Variants in WDR26 observed in about 807,000 individuals in gnomAD.
WDR26 encodes WD repeat-containing protein 26.
A neutral mutation model predicts 84.1 loss-of-function variants in WDR26; 5 were observed. The ratio of observed to expected loss-of-function variants is 0.06; its 90% CI spans 0.03 to 0.13. The LOEUF is 0.13. WDR26 is among the 10% of genes least tolerant of loss of function. The pLI, the probability that WDR26 is intolerant of heterozygous loss-of-function variation, is 1.00. For missense variants in WDR26, 642 were observed against 974.9 expected, an observed-to-expected ratio of 0.66 and a Z score of 4.55; for synonymous variants, 415 against 389.6, an observed-to-expected ratio of 1.07 and a Z score of -0.77.
intron 3 of WDR26, among the ~76,000 whole-genome samples, chr1:224,428,049 T>C (rs575673868): frequency 1.3e-5 from 2 of 152,344 alleles, no homozygotes; most frequent in East Asian, 1.9e-4. Flanking sequence ...TGGTCTCTAA[T>C]GATTTTTTAC....
chr1:224,392,221 CG>C (rs1455442883), intron 13 of WDR26, among the ~76,000 whole-genome samples: 4 of 151,762 alleles, frequency 2.6e-5, no homozygotes, highest in Non-Finnish European at 4.4e-5. Flanking sequence ...ATTAGCTGGG[CG>C]TGGTGGTGGG....
chr1:224,407,439 T>G (rs987768336), intron 7 of WDR26, among the ~76,000 whole-genome samples: 1 of 148,804 alleles, frequency 6.7e-6, no homozygotes, highest in Non-Finnish European at 1.5e-5. Context: ...CTCTCTTAAA[T>G]GTACTTTTTT....
Position 224,433,772 on chromosome 1 carries a change from T to C in WDR26, c.634A>G (p.Ser212Gly), listed in dbSNP as rs1471878000. ...AGCCGCTTCTTCTTCTTGAGGCTGCTGCCCAGTTCTGGGGTGGCCAAGGAA... is the reference window on the plus strand; with the variant it reads ...AGCCGCTTCTTCTTCTTGAGGCTGCCGCCCAGTTCTGGGGTGGCCAAGGAA... The change falls in exon 1 of 14, where the codon AGC (serine) becomes GGC (glycine). Residue 212 changes from serine (S) to glycine (G), a missense_variant. By Grantham distance (56) the Ser-to-Gly change is moderately conservative. Coordinates refer to ENST00000414423, the MANE Select transcript of WDR26 (RefSeq NM_001379403.1). 1 of 1,536,788 alleles carries C rather than the reference T, an allele frequency of 6.5e-7. No individual in the cohort carries two copies. Among genetic ancestry groups the C allele is most frequent in the Non-Finnish European group, 8.7e-7 (1 of 1,146,676 alleles).
At chr1:224,418,515 A>G (rs1405430740) in intron 5 of WDR26, 99 bp from the exon 6 acceptor site, 15 of 1,143,686 alleles carry the variant, frequency 1.3e-5, no homozygotes, top group East Asian at 5.3e-5. Flanking sequence ...TCCTACCCCA[A>G]TAGTATCTAT....
chr1:224,420,558 CA>C (rs1222187854), intron 4 of WDR26, among the ~76,000 whole-genome samples: 1 of 152,198 alleles, frequency 6.6e-6, no homozygotes, highest in Non-Finnish European at 1.5e-5. Flanking sequence ...TCTCAGTTAA[CA>C]TGAGTATCAT....
chr1:224,422,870 C>A (rs768452136), intron 4 of WDR26, among the ~76,000 whole-genome samples: 13 of 152,116 alleles, frequency 8.5e-5, no homozygotes, highest in Non-Finnish European at 1.8e-4. Flanking sequence ...TTAGGCCATA[C>A]ATGTCAAAGT....
intron 7 of WDR26, among the ~76,000 whole-genome samples, chr1:224,407,718 C>T (rs1236925426): frequency 6.6e-6 from 1 of 151,924 alleles, no homozygotes; most frequent in Admixed American, 6.6e-5. Context: ...CCATGTTGGC[C>T]AGGTTGGCTT....
At position 224,404,508 on chromosome 1, in the gene WDR26, A is replaced by G. The variant is rs779892666; in HGVS notation, c.1521T>C (p.Ile507=). Residue 507 remains isoleucine, a synonymous_variant, in exon 8 of 14, where the codon ATT becomes ATC. Coordinates refer to ENST00000414423, the MANE Select transcript of WDR26 (RefSeq NM_001379403.1). ...GATAGTTGTCATCTGGACTCCATGC[A>G]ATATAAGAAACGCCATAAGCATGTC... is the stretch of plus-strand genomic sequence containing the variant. 3 of 1,614,116 alleles carry G rather than the reference A, an allele frequency of 1.9e-6. No individual in the cohort carries two copies. The highest frequency in any genetic ancestry group is 2.5e-6 in the Non-Finnish European group (3 of 1,179,980).
intron 7 of WDR26, among the ~76,000 whole-genome samples, chr1:224,407,151 A>AATT (rs1673598962): frequency 1.7e-4 from 2 of 11,868 alleles, no homozygotes; most frequent in Non-Finnish European, 2.8e-4. Context: ...AAAAAAAAAA[A>AATT]ATATATATAT....
intron 13 of WDR26, 39 bp downstream of exon 13, chr1:224,393,789 A>G: frequency 7.0e-7 from 1 of 1,432,462 alleles, no homozygotes; most frequent in East Asian, 2.3e-5. Flanking sequence ...GTGATGTTTC[A>G]TTTGGACAAA....
At chr1:224,391,363 CAAA>C (rs869213487) in intron 13 of WDR26, among the ~76,000 whole-genome samples, 5 of 89,140 alleles carry the variant, frequency 5.6e-5, no homozygotes, top group Admixed American at 1.2e-4. Context: ...AACTCTGTCT[CAAA>C]AAAAAAAAAA....
intron 13 of WDR26, among the ~76,000 whole-genome samples, chr1:224,391,528 CTTTT>C (rs1341179042): frequency 2.6e-5 from 4 of 150,988 alleles, no homozygotes; most frequent in East Asian, 1.9e-4. Context: ...TACATTTTTC[CTTTT>C]TTGTTTCCTT....
Position 224,424,551 on chromosome 1 carries a change from T to G in WDR26, c.1031A>C (p.Lys344Thr). The G allele has an allele frequency of 2.5e-6, 4 of 1,614,062 alleles. No homozygotes were observed. The highest frequency in any genetic ancestry group is 3.4e-6 in the Non-Finnish European group (4 of 1,179,928). The change falls in exon 4 of 14, where the codon AAA becomes ACA. Residue 344 changes from lysine (K) to threonine (T), a missense_variant. Around this residue, in one of 2 missense-constraint regions of WDR26, gnomAD observed 351 missense variants for 672.8 expected, o/e 0.52. Transcript: ENST00000414423. ...AACATGAATGCGCTCTGTATTGTAT[T>G]TCAGCGGCGTCAATTCACAGCGTAG...
rs114468782 is a variant in WDR26 at position 224,409,408 on chromosome 1, C to G, written c.1458+2019G>C. 7.2e-3 allele frequency among the ~76,000 whole-genome samples: 1,100 copies of G among 152,206 alleles called. 10 individuals are homozygous for G. The highest frequency in any genetic ancestry group is 0.025 in the African/African-American group (1,035 of 41,532). ...ATTTAAACATATTCTGAGAAAGAGT[C>G]CATAGGTTTGCCAAACTGCCAAAGA... On this transcript the variant is annotated intron_variant, in intron 7 of 13. Coordinates refer to ENST00000414423, the MANE Select transcript of WDR26 (RefSeq NM_001379403.1).
At chr1:224,417,659 C>G (rs1673946701) in intron 6 of WDR26, among the ~76,000 whole-genome samples, 1 of 152,152 alleles carries the variant, frequency 6.6e-6, no homozygotes, top group Admixed American at 6.5e-5. Flanking sequence ...ATGATCATGC[C>G]ACTGCACTCT....
chr1:224,400,983 C>T lies in WDR26; in HGVS notation c.1686G>A (p.Val562=), dbSNP rs1673397399. The T allele has an allele frequency of 6.2e-7, 1 of 1,614,126 alleles. No individual in the cohort carries two copies. Among genetic ancestry groups the T allele is most frequent in the Non-Finnish European group, 8.5e-7 (1 of 1,180,006 alleles). ...AGAACTGCCCACGCTGACCTCCAGT[C>T]ACAAAGCGCTTCCCATCTGGATTCC... The change falls in exon 9 of 14, where the codon GTG becomes GTA. Residue 562 remains valine, a synonymous_variant. Coordinates refer to ENST00000414423, the MANE Select transcript of WDR26 (RefSeq NM_001379403.1).
At chr1:224,429,055 A>C (rs1674311861) in intron 3 of WDR26, among the ~76,000 whole-genome samples, 1 of 152,150 alleles carries the variant, frequency 6.6e-6, no homozygotes, top group Admixed American at 6.5e-5. Context: ...CAAGGTCAGG[A>C]GTTCGGGACC....
chr1:224,386,476 C>G lies in WDR26; in HGVS notation c.*3359G>C, dbSNP rs940234876. Reference sequence around the variant, plus strand: ...CACTGTGAGGCAGAGGTGATAGGGTCAGTTCTTGTTTGCAGGAACCAACAT... The same window carrying G: ...CACTGTGAGGCAGAGGTGATAGGGTGAGTTCTTGTTTGCAGGAACCAACAT... On this transcript the variant is annotated 3_prime_UTR_variant, in exon 14 of 14. Coordinates refer to ENST00000414423, the MANE Select transcript of WDR26 (RefSeq NM_001379403.1). The G allele has an allele frequency of 8.5e-5, 13 of 152,472 alleles. No homozygotes were observed. Among genetic ancestry groups the G allele is most frequent in the African/African-American group, 2.9e-4 (12 of 41,396 alleles). 9.4% of individuals were successfully genotyped at this position (152,472 alleles called of 1,614,324 possible).
In WDR26 at chr1:224,389,568, A is replaced by G. The variant is rs2102882308; in HGVS notation, c.*267T>C. 1.8e-6 allele frequency: 1 copy of G among 553,194 alleles called. No individual in the cohort carries two copies. Among genetic ancestry groups the G allele is most frequent in the East Asian group, 3.3e-5 (1 of 30,242 alleles). The allele number at this position is 553,194 out of a possible 1,614,324, so 34.3% of individuals were successfully genotyped here. On this transcript the variant is annotated 3_prime_UTR_variant, in exon 14 of 14. Transcript: ENST00000414423. ...ATATATATACTGAGTTCAATGGGTAAGCCTGAATGTAGCACAGTTCTTCAC... is the reference window on the plus strand; with the variant it reads ...ATATATATACTGAGTTCAATGGGTAGGCCTGAATGTAGCACAGTTCTTCAC...
Sources: allele counts gnomAD v4.1 joint callset (sites outside exome capture counted in the v4.1 genomes callset), GRCh38; gene constraint gnomAD v4.1.1; regional missense constraint gnomAD v4.1.1; transcripts MANE v1.5; gene names NCBI Gene and HGNC (gene_info 2026-07-23, HGNC 2026-07-21).